The following ACADL variants were observed in gnomAD, a reference collection of about 807,000 sequenced individuals.
ACADL encodes the protein long-chain specific acyl-CoA dehydrogenase, mitochondrial.
ACADL carries 60 observed loss-of-function variants against 56.9 expected under a neutral mutation model. The observed-to-expected ratio is 1.05, with a 90% CI of 0.86 to 1.31. ACADL has a LOEUF of 1.31. Among genes scored for constraint, ACADL ranks in the 50% most tolerant of loss-of-function variants. ACADL has a pLI of 0.00. For missense variants in ACADL, 484 were observed against 525.5 expected (o/e 0.92, Z 0.77); for synonymous variants, 158 against 179.7 (o/e 0.88, Z 0.97).
chr2:210,218,164 T>A, intron 2 of ACADL, 62 bp from the exon 3 acceptor site: 2 of 1,443,882 alleles, frequency 1.4e-6, no homozygotes, highest in Non-Finnish European at 1.9e-6. Flanking sequence ...TGGCCACAAC[T>A]TTGAACTTAT....
At chr2:210,209,564 G>T (rs1281403791) in intron 5 of ACADL, 4 of 151,222 alleles carry the variant, frequency 2.6e-5, no homozygotes, top group Admixed American at 6.6e-5. Flanking sequence ...TTGAGAGGGG[G>T]TCTTACTCTG....
Position 210,195,473 on chromosome 2 carries a change from A to G in ACADL, c.985-135T>C, listed in dbSNP as rs1688695268. ...AGTGGAATTGTTGGTTTTTTCCTCC[A>G]TAAAAATGGCATTTGTTACCAAATC... On this transcript the variant is annotated intron_variant, in intron 8 of 10. Coordinates refer to ENST00000233710, the MANE Select transcript of ACADL (RefSeq NM_001608.4). 4 of 954,578 alleles carry G rather than the reference A, an allele frequency of 4.2e-6. No individual in the cohort carries two copies. In the East Asian group the frequency reaches 7.7e-5, roughly 18 times the overall value. The allele number at this position is 954,578 out of a possible 1,614,324, so 59.1% of individuals were successfully genotyped here.
chr2:210,192,182 G>GT (rs1333498595), intron 10 of ACADL, among the ~76,000 whole-genome samples: 1 of 141,636 alleles, frequency 7.1e-6, no homozygotes, highest in Non-Finnish European at 1.5e-5. Flanking sequence ...TTTTTTTTTG[G>GT]TTTTAAAAAA....
intron 8 of ACADL, among the ~76,000 whole-genome samples, chr2:210,196,483 A>G (rs906440619): frequency 5.9e-5 from 9 of 152,094 alleles, no homozygotes; most frequent in African/African-American, 1.9e-4. Context: ...TATTTAGACC[A>G]TTCTCAATTG....
chr2:210,218,245 C>T (rs1689121137), intron 2 of ACADL, 143 bp from the exon 3 acceptor site: 1 of 785,096 alleles, frequency 1.3e-6, no homozygotes, highest in South Asian at 1.7e-5. Flanking sequence ...CTTCTATTTG[C>T]CTCTGACTCT....
At chr2:210,219,531 G>A (rs762820512) in intron 2 of ACADL, among the ~76,000 whole-genome samples, 2 of 152,114 alleles carry the variant, frequency 1.3e-5, no homozygotes, top group African/African-American at 4.8e-5. Flanking sequence ...GCTTTTCACC[G>A]AAGACTAGTC....
chr2:210,218,404 T>C (rs1385086928), intron 2 of ACADL: 2 of 326,670 alleles, frequency 6.1e-6, no homozygotes, highest in Non-Finnish European at 1.1e-5. Flanking sequence ...CCTCAGCCTC[T>C]TGAGCAGCTA....
At chr2:210,219,662 C>G in intron 2 of ACADL, among the ~76,000 whole-genome samples, 1 of 152,066 alleles carries the variant, frequency 6.6e-6, no homozygotes, top group East Asian at 1.9e-4. Flanking sequence ...TTTTAAAGTA[C>G]GGATGTCTCT....
intron 4 of ACADL, among the ~76,000 whole-genome samples, chr2:210,210,512 C>T (rs138896241): frequency 6.6e-6 from 1 of 152,302 alleles, no homozygotes; most frequent in Admixed American, 6.5e-5. Context: ...AGTAGTATAA[C>T]AAAGCCCAAC....
chr2:210,219,378 C>A (rs923899180), intron 2 of ACADL, among the ~76,000 whole-genome samples: 7 of 152,132 alleles, frequency 4.6e-5, no homozygotes, highest in African/African-American at 1.7e-4. Flanking sequence ...GCAGGAGGAT[C>A]GCTTGAGCCC....
chr2:210,210,927 C>T (rs945300555), intron 4 of ACADL, among the ~76,000 whole-genome samples: 1 of 151,706 alleles, frequency 6.6e-6, no homozygotes, highest in Admixed American at 6.6e-5. Context: ...GTCTGGGTAA[C>T]ACAGTGAGAA....
At chr2:210,219,038 T>C (rs1051729624) in intron 2 of ACADL, among the ~76,000 whole-genome samples, 2 of 152,222 alleles carry the variant, frequency 1.3e-5, no homozygotes, top group African/African-American at 4.8e-5. Flanking sequence ...TTTGTATTTT[T>C]AAGTGGATTA....
chr2:210,203,609 CAT>C (rs1221641350), intron 7 of ACADL, among the ~76,000 whole-genome samples, 165 bp from the exon 8 acceptor site: 17 of 152,126 alleles, frequency 1.1e-4, no homozygotes, highest in Admixed American at 9.2e-4. Flanking sequence ...ATTCTTTTGA[CAT>C]ATCTCTAATC....
chr2:210,200,125 C>T (rs1688769950), intron 8 of ACADL, among the ~76,000 whole-genome samples: 1 of 147,154 alleles, frequency 6.8e-6, no homozygotes, highest in Non-Finnish European at 1.5e-5. Context: ...ACTCATTCCA[C>T]TTTGGGTACA....
intron 2 of ACADL, 97 bp downstream of exon 2, chr2:210,220,550 C>A (rs893735665): frequency 6.7e-5 from 76 of 1,129,114 alleles, no homozygotes; most frequent in Non-Finnish European, 9.6e-5. Flanking sequence ...AAGCCCTGAA[C>A]ATACTATGTT....
intron 9 of ACADL, among the ~76,000 whole-genome samples, chr2:210,194,522 G>T (rs1688679128): frequency 6.6e-6 from 1 of 152,120 alleles, no homozygotes; most frequent in African/African-American, 2.4e-5. Context: ...GACATACAGG[G>T]ATGTTTTTTC....
At chr2:210,204,410 T>A (rs1469868862) in intron 7 of ACADL, among the ~76,000 whole-genome samples, 171 bp downstream of exon 7, 1 of 152,226 alleles carries the variant, frequency 6.6e-6, no homozygotes, top group Admixed American at 6.5e-5. Context: ...TTTACTTAAC[T>A]ACCCTATAAA....
chr2:210,214,471 G>GAAAGAAAGAAAGAAAGAAAGAA (rs1689041601), intron 4 of ACADL, among the ~76,000 whole-genome samples: 2 of 141,416 alleles, frequency 1.4e-5, no homozygotes. Context: ...TTCCAAAAAA[G>GAAAGAAAGAAAGAAAGAAAGAA]AAAGAAAGAA....
rs532935240 is a variant in ACADL at position 210,206,119 on chromosome 2, A to G, written c.604-323T>C. 2.0e-5 allele frequency among the ~76,000 whole-genome samples: 3 copies of G among 152,228 alleles called. No homozygotes were observed. In the South Asian group the frequency reaches 6.2e-4, roughly 32 times the overall value. On this transcript the variant is annotated intron_variant, in intron 5 of 10. Coordinates refer to ENST00000233710, the MANE Select transcript of ACADL (RefSeq NM_001608.4). ...ATTGTCTATTATGATGATAAATTGT[A>G]TTTTAGAAGGAAGCCACTGATAAGA...
Sources: allele counts gnomAD v4.1 joint callset (sites outside exome capture counted in the v4.1 genomes callset), GRCh38; gene constraint gnomAD v4.1.1; transcripts MANE v1.5; gene names NCBI Gene and HGNC (gene_info 2026-07-23, HGNC 2026-07-21).